ORC3: variants seen among roughly 807,000 people sequenced by gnomAD.
ORC3 encodes homolog of latheo, Drosophila.
ORC3 carries 78 observed loss-of-function variants against 100.7 expected under a neutral mutation model. That is an observed-to-expected ratio of 0.77 (90% CI 0.65 to 0.94). The LOEUF is 0.94. Ranked by LOEUF, ORC3 falls within the 40% of genes least tolerant of loss-of-function variation. The pLI, the probability that ORC3 is intolerant of heterozygous loss-of-function variation, is 0.00. For synonymous variants in ORC3, 295 were observed against 289.3 expected (o/e 1.02, Z -0.20); for missense variants, 789 against 823.9 (o/e 0.96, Z 0.52).
intron 13 of ORC3, among the ~76,000 whole-genome samples, chr6:87,644,900 G>C (rs1009243289): frequency 6.6e-6 from 1 of 151,830 alleles, no homozygotes; most frequent in Non-Finnish European, 1.5e-5. Context: ...ACTTACTCAA[G>C]TTGCTTCTAA....
chr6:87,596,430 G>A (rs1777450347), intron 2 of ORC3, among the ~76,000 whole-genome samples: 2 of 147,778 alleles, frequency 1.4e-5, no homozygotes, highest in African/African-American at 5.0e-5. Context: ...ACTGTGCTCG[G>A]CTGTTTGTTT....
intron 17 of ORC3, among the ~76,000 whole-genome samples, chr6:87,663,503 C>G (rs1770365598): frequency 6.6e-6 from 1 of 152,116 alleles, no homozygotes; most frequent in African/African-American, 2.4e-5. Context: ...ACAATATGGC[C>G]TAATAAATTA....
At chr6:87,653,966 A>G (rs971685733) in intron 14 of ORC3, among the ~76,000 whole-genome samples, 1 of 152,174 alleles carries the variant, frequency 6.6e-6, no homozygotes, top group African/African-American at 2.4e-5. Context: ...TGTTTCTAGC[A>G]CCAAAGTATG....
rs62417700 is a variant in ORC3, at chr6:87,595,924, C to G, written c.79+1517C>G. On this transcript the variant is annotated intron_variant, in intron 2 of 19. Transcript: ENST00000392844. Reference sequence around the variant, plus strand: ...TCATAGCTCACTTCAGCCTTGAAAACTCCTGGGCTTAAATGATCCTCCCAC... The same window carrying G: ...TCATAGCTCACTTCAGCCTTGAAAAGTCCTGGGCTTAAATGATCCTCCCAC... Among the ~76,000 whole-genome samples, 141 of 152,318 alleles carry G rather than the reference C, an allele frequency of 9.3e-4. 1 individual carries two copies. The East Asian group carries it at 0.019, about 21-fold the overall frequency.
At chr6:87,653,894 G>A (rs763137933) in intron 14 of ORC3, among the ~76,000 whole-genome samples, 3 of 152,166 alleles carry the variant, frequency 2.0e-5, no homozygotes, top group Non-Finnish European at 4.4e-5. Flanking sequence ...GTGTCTGATT[G>A]TATATAGGTA....
chr6:87,642,031 C>T (rs1768297941), intron 13 of ORC3, among the ~76,000 whole-genome samples: 1 of 152,192 alleles, frequency 6.6e-6, no homozygotes, highest in South Asian at 2.1e-4. Flanking sequence ...CACGGTGGCT[C>T]ACACCTATGA....
At chr6:87,634,818 A>G (rs1458710048) in intron 11 of ORC3, 27 bp from the exon 12 acceptor site, 1 of 1,056,734 alleles carries the variant, frequency 9.5e-7, no homozygotes, top group Non-Finnish European at 1.5e-6. Flanking sequence ...TGACTTACAT[A>G]TTAATAATAT....
In ORC3 at chr6:87,656,192, C is replaced by T. The variant is rs139557520; in HGVS notation, c.1517-714C>T. On this transcript the variant is annotated intron_variant, in intron 14 of 19. Transcript: ENST00000392844. ...TATTTCAAAACTTTTACACACTACCCTCCTCATACTCAAATTTTGTTGTTT... is the reference window on the plus strand; with the variant it reads ...TATTTCAAAACTTTTACACACTACCTTCCTCATACTCAAATTTTGTTGTTT... 1.4e-4 allele frequency among the ~76,000 whole-genome samples: 21 copies of T among 152,348 alleles called. No homozygotes were observed. The East Asian group carries it at 3.9e-3, about 28-fold the overall frequency.
intron 9 of ORC3, among the ~76,000 whole-genome samples, chr6:87,620,942 A>G (rs1288528610): frequency 3.3e-5 from 5 of 152,184 alleles, no homozygotes; most frequent in Non-Finnish European, 7.4e-5. Context: ...CCATTGCAGC[A>G]TTATTTTTTG....
chr6:87,621,499 A>C lies in ORC3; in HGVS notation c.1121+12A>C. ...CCATCTTTTAGGAGGTAAAAAGAGA[A>C]GTACATGTTTAACACATACTATACT... On this transcript the variant is annotated intron_variant, in intron 10 of 19. Coordinates refer to ENST00000392844, the MANE Select transcript of ORC3 (RefSeq NM_012381.4). 6.4e-7 allele frequency: 1 copy of C among 1,566,062 alleles called. No individual in the cohort carries two copies. The highest frequency in any genetic ancestry group is 8.6e-7 in the Non-Finnish European group (1 of 1,158,200).
At chr6:87,633,136 A>G (rs766235100) in intron 11 of ORC3, among the ~76,000 whole-genome samples, 2 of 152,212 alleles carry the variant, frequency 1.3e-5, no homozygotes, top group Admixed American at 1.3e-4. Context: ...ACACATAGCT[A>G]TTCCACAAGG....
chr6:87,599,631 G>T (rs557983959), intron 2 of ORC3, among the ~76,000 whole-genome samples: 299 of 150,996 alleles, frequency 2.0e-3, no homozygotes, highest in African/African-American at 7.0e-3. Flanking sequence ...CTCCCAAAGC[G>T]CTGGGATTAC....
At chr6:87,677,001 C>A in the ORC3 span, among the ~76,000 whole-genome samples, 1 of 151,062 alleles carries the variant, frequency 6.6e-6, no homozygotes, top group Non-Finnish European at 1.5e-5. Context: ...GGCGTGAACC[C>A]GGAAAGTAGA....
Position 87,607,625 on chromosome 6 carries a change from T to G in ORC3, c.428-48T>G, listed in dbSNP as rs1201997682. ...AGAAGTTTCAAGAGCTTTGGTTTTA[T>G]TTTTAGAAGAGGCAGAGATAAGCTT... On this transcript the variant is annotated intron_variant, in intron 5 of 19. Transcript: ENST00000392844. The G allele has an allele frequency of 2.0e-6, 3 of 1,479,992 alleles. No homozygotes were observed. The Admixed American group carries it at 6.8e-5, about 34-fold the overall frequency. 91.7% of individuals were successfully genotyped at this position (1,479,992 alleles called of 1,614,324 possible).
intron 19 of ORC3, among the ~76,000 whole-genome samples, chr6:87,666,242 C>T (rs1468632658): frequency 1.3e-5 from 2 of 152,068 alleles, no homozygotes; most frequent in African/African-American, 4.8e-5. Context: ...AGCAATTCTC[C>T]TGCCTCAGCC....
chr6:87,601,685 A>T (rs939630272), intron 2 of ORC3, 99 bp from the exon 3 acceptor site: 37 of 689,558 alleles, frequency 5.4e-5, no homozygotes, highest in African/African-American at 4.9e-4. Flanking sequence ...AAAAAAAAAA[A>T]TTTCACTTCT....
chr6:87,663,968 A>G (rs1351047459), intron 17 of ORC3, among the ~76,000 whole-genome samples: 2 of 152,210 alleles, frequency 1.3e-5, no homozygotes, highest in African/African-American at 2.4e-5. Context: ...AAGAATATTG[A>G]GTAGGACGAT....
At position 87,665,846 on chromosome 6, in the gene ORC3, A is replaced by T. The variant is rs779144822; in HGVS notation, c.2030+13A>T. ...ATGAAATTATCCAGTATCCTTTTAA[A>T]ACCATTTCTACAATGTCCAACTACA... On this transcript the variant is annotated intron_variant, in intron 19 of 19. Transcript: ENST00000392844. The T allele has an allele frequency of 6.7e-7, 1 of 1,500,798 alleles. No homozygotes were observed. Among genetic ancestry groups the T allele is most frequent in the Non-Finnish European group, 9.3e-7 (1 of 1,078,188 alleles). 93.0% of individuals were successfully genotyped at this position (1,500,798 alleles called of 1,614,324 possible).
intron 3 of ORC3, among the ~76,000 whole-genome samples, chr6:87,602,254 CAT>C (rs1777960713): frequency 6.6e-6 from 1 of 152,054 alleles, no homozygotes; most frequent in Non-Finnish European, 1.5e-5. Context: ...AAAAAAAACT[CAT>C]ATTTCTTGTG....
Sources: gnomAD v4.1 joint callset for allele counts (sites outside exome capture counted in the v4.1 genomes callset) on GRCh38, gnomAD v4.1.1 for gene constraint, MANE v1.5 for transcripts, NCBI Gene and HGNC (gene_info 2026-07-23, HGNC 2026-07-21) for gene names.